KCNIP1: variants seen among roughly 807,000 people sequenced by gnomAD.
The protein encoded by KCNIP1 is A-type potassium channel modulatory protein KCNIP1.
KCNIP1 carries 18 observed loss-of-function variants against 33.0 expected under a neutral mutation model. That is an observed-to-expected ratio of 0.55 (90% CI 0.38 to 0.81). KCNIP1 has a LOEUF of 0.81. Among genes scored for constraint, KCNIP1 ranks in the 30% least tolerant of loss-of-function variants. KCNIP1 has a pLI of 0.00. For missense variants in KCNIP1, 238 were observed against 271.6 expected (o/e 0.88, Z 0.87); for synonymous variants, 93 against 98.3 (o/e 0.95, Z 0.32).
intron 1 of KCNIP1, among the ~76,000 whole-genome samples, chr5:170,419,856 A>G (rs1057473705): frequency 7.2e-5 from 11 of 152,188 alleles, no homozygotes; most frequent in Non-Finnish European, 1.5e-4. Context: ...GGGGAAACCA[A>G]CACTTAAAGT....
chr5:170,408,943 G>A (rs1406737170), intron 1 of KCNIP1, among the ~76,000 whole-genome samples: 1 of 152,180 alleles, frequency 6.6e-6, no homozygotes, highest in African/African-American at 2.4e-5. Context: ...GTCTCTAAAG[G>A]TGCCATCAAT....
chr5:170,472,361 G>A (rs556224857), intron 1 of KCNIP1, among the ~76,000 whole-genome samples: 5 of 152,326 alleles, frequency 3.3e-5, no homozygotes, highest in South Asian at 2.1e-4. Context: ...CTGTAGGTCC[G>A]CCCGCCTGGG....
intron 1 of KCNIP1, among the ~76,000 whole-genome samples, chr5:170,482,641 A>G (rs963505731): frequency 6.6e-6 from 1 of 152,174 alleles, no homozygotes; most frequent in African/African-American, 2.4e-5. Context: ...GCTCCCAGAC[A>G]TTCTTATGTA....
At chr5:170,696,778 AGG>A (rs931236262) in intron 1 of KCNIP1, among the ~76,000 whole-genome samples, 3 of 152,212 alleles carry the variant, frequency 2.0e-5, no homozygotes, top group African/African-American at 7.2e-5. Context: ...TCTGTGTAGG[AGG>A]GTGACTTTGT....
chr5:170,378,665 C>T (rs376678526), intron 1 of KCNIP1: 28 of 1,563,486 alleles, frequency 1.8e-5, no homozygotes, highest in Non-Finnish European at 2.3e-5. Context: ...CAGCCAGTCC[C>T]CTGTGCCCTG....
intron 1 of KCNIP1, among the ~76,000 whole-genome samples, chr5:170,608,917 G>A (rs34729058): frequency 0.17 from 26,251 of 152,088 alleles, 2,597 homozygotes; most frequent in Middle Eastern, 0.3. Context: ...GCACAGTCCC[G>A]GGCGGAGGCA....
intron 1 of KCNIP1, among the ~76,000 whole-genome samples, chr5:170,595,594 T>C (rs1758415225): frequency 6.6e-6 from 1 of 152,158 alleles, no homozygotes; most frequent in African/African-American, 2.4e-5. Context: ...TGCGTAGGTT[T>C]CAGAATGTGG....
At chr5:170,382,169 G>C (rs1019831019) in intron 1 of KCNIP1, among the ~76,000 whole-genome samples, 1 of 152,130 alleles carries the variant, frequency 6.6e-6, no homozygotes, top group Non-Finnish European at 1.5e-5. Context: ...CCACACACCT[G>C]TAGGCTCCAT....
chr5:170,637,324 G>T (rs1760325318), intron 1 of KCNIP1, among the ~76,000 whole-genome samples: 1 of 151,818 alleles, frequency 6.6e-6, no homozygotes, highest in South Asian at 2.1e-4. Flanking sequence ...CCATCCAAAT[G>T]ACCACCGCAC....
intron 1 of KCNIP1, chr5:170,680,927 G>A (rs751954767): frequency 2.5e-6 from 1 of 397,326 alleles, no homozygotes; most frequent in African/African-American, 2.1e-5. Flanking sequence ...GTGGAAGGAA[G>A]GGAGGGAGGC....
chr5:170,599,613 C>T (rs1015513643), intron 1 of KCNIP1, among the ~76,000 whole-genome samples: 2 of 151,678 alleles, frequency 1.3e-5, no homozygotes, highest in Non-Finnish European at 1.5e-5. Flanking sequence ...GTGGAATGAG[C>T]ACGGGAGTGT....
chr5:170,675,980 C>A (rs541684878), intron 1 of KCNIP1, among the ~76,000 whole-genome samples: 1 of 151,174 alleles, frequency 6.6e-6, no homozygotes, highest in Admixed American at 6.6e-5. Context: ...ACTTTTTAAT[C>A]TATCTGCAGT....
chr5:170,532,923 T>C (rs760783193), intron 1 of KCNIP1, among the ~76,000 whole-genome samples: 3 of 152,206 alleles, frequency 2.0e-5, no homozygotes, highest in African/African-American at 7.2e-5. Flanking sequence ...GAGGGAATAA[T>C]GAGGTGGAGG....
Position 170,370,178 on chromosome 5 carries a change from G to T in KCNIP1, c.88+16214G>T, listed in dbSNP as rs558588553. 1.7e-3 allele frequency among the ~76,000 whole-genome samples: 260 copies of T among 152,248 alleles called. 2 individuals are homozygous for T. Among genetic ancestry groups the T allele is most frequent in the Middle Eastern group, 6.8e-3 (2 of 294 alleles). On this transcript the variant is annotated intron_variant, in intron 1 of 7. Transcript: ENST00000377360. ...GGGAAGTTGCTAGTAAGAAAAAGAC[G>T]GCAGGAGGTAGTTCTCTGAGCCCAA...
chr5:170,492,752 T>C lies in KCNIP1; in HGVS notation c.88+138788T>C, dbSNP rs181763001. On this transcript the variant is annotated intron_variant, in intron 1 of 7. Coordinates refer to the KCNIP1 transcript ENST00000377360. ...GAATGGGAGACAGAGACCAAATATCTATCTATTTATTTATTTATTTATTTA... is the reference window on the plus strand; with the variant it reads ...GAATGGGAGACAGAGACCAAATATCCATCTATTTATTTATTTATTTATTTA... Among the ~76,000 whole-genome samples the C allele has an allele frequency of 7.4e-4, 107 of 144,056 alleles. 1 individual carries two copies. The East Asian group carries it at 0.019, about 26-fold the overall frequency. 94.5% of individuals were successfully genotyped at this position (144,056 alleles called of 152,430 possible). A position where few individuals can be genotyped will look rare whatever the true frequency, so the allele number is the denominator to read the frequency against.
intron 1 of KCNIP1, among the ~76,000 whole-genome samples, chr5:170,648,160 T>C (rs1760868957): frequency 6.6e-6 from 1 of 152,212 alleles, no homozygotes; most frequent in South Asian, 2.1e-4. Flanking sequence ...AAACAGGAAC[T>C]CTCATCAGTG....
At chr5:170,599,660 G>A (rs1340548189) in intron 1 of KCNIP1, among the ~76,000 whole-genome samples, 2 of 46,138 alleles carry the variant, frequency 4.3e-5, no homozygotes, top group Admixed American at 1.8e-4. Flanking sequence ...AGAAGTTCCC[G>A]TGCAATGGAC....
chr5:170,584,119 G>C (rs779323677), intron 1 of KCNIP1, among the ~76,000 whole-genome samples: 1 of 152,186 alleles, frequency 6.6e-6, no homozygotes, highest in African/African-American at 2.4e-5. Flanking sequence ...TGCCTGAGGC[G>C]CTGCCTTGAG....
At chr5:170,545,970 A>G (rs1349644865) in intron 1 of KCNIP1, among the ~76,000 whole-genome samples, 1 of 152,244 alleles carries the variant, frequency 6.6e-6, no homozygotes, top group Non-Finnish European at 1.5e-5. Flanking sequence ...TTCAGCTGAT[A>G]CATTCCACCA....
Sources: allele counts gnomAD v4.1 joint callset (sites outside exome capture counted in the v4.1 genomes callset), GRCh38; gene constraint gnomAD v4.1.1; transcripts MANE v1.5; gene names NCBI Gene and HGNC (gene_info 2026-07-23, HGNC 2026-07-21).